The following NPEPPS variants were observed in gnomAD, a reference collection of about 807,000 sequenced individuals.
The protein encoded by NPEPPS is puromycin-sensitive aminopeptidase.
In NPEPPS, 14 loss-of-function variants were observed where a neutral mutation model predicts 115.5. The observed-to-expected ratio is 0.12, with a 90% CI of 0.08 to 0.19. The LOEUF (loss-of-function observed/expected upper bound fraction) is 0.19. NPEPPS is among the 10% of genes least tolerant of loss of function. The probability of loss-of-function intolerance (pLI) is 1.00; values close to 1 mark genes in which losing one functional copy is unlikely to be tolerated. For synonymous variants in NPEPPS, 285 were observed against 390.6 expected (o/e 0.73, Z 3.19); for missense variants, 523 against 1,110.8 (o/e 0.47, Z 7.52).
At chr17:47,542,876 C>T (rs1359673010) in intron 1 of NPEPPS, among the ~76,000 whole-genome samples, 1 of 151,942 alleles carries the variant, frequency 6.6e-6, no homozygotes, top group Admixed American at 6.6e-5. Context: ...TGGTGGCTCA[C>T]GTCTGTAATC....
At chr17:47,568,757 G>C (rs1910997824) in intron 2 of NPEPPS, among the ~76,000 whole-genome samples, 1 of 152,052 alleles carries the variant, frequency 6.6e-6, no homozygotes, top group Non-Finnish European at 1.5e-5. Flanking sequence ...CCGGGTTCAA[G>C]CGATTCTCCT....
chr17:47,601,903 CATT>C, intron 15 of NPEPPS, 156 bp downstream of exon 15: 2 of 715,514 alleles, frequency 2.8e-6, no homozygotes, highest in Admixed American at 3.3e-5. Context: ...ATTGTCCAGA[CATT>C]TGTCCTTATG....
intron 2 of NPEPPS, among the ~76,000 whole-genome samples, chr17:47,556,517 T>C (rs1910045620): frequency 6.6e-6 from 1 of 152,212 alleles, no homozygotes; most frequent in South Asian, 2.1e-4. Flanking sequence ...GATTTCTCTA[T>C]CTTTTCCCCA....
chr17:47,578,947 A>G (rs1218619856), intron 3 of NPEPPS, among the ~76,000 whole-genome samples: 3 of 152,192 alleles, frequency 2.0e-5, no homozygotes, highest in Non-Finnish European at 2.9e-5. Context: ...CTACTTACTA[A>G]TTGTATGACA....
At chr17:47,533,481 T>C (rs549998893) in intron 1 of NPEPPS, among the ~76,000 whole-genome samples, 1 of 151,958 alleles carries the variant, frequency 6.6e-6, no homozygotes, top group African/African-American at 2.4e-5. Context: ...GATGAATGAG[T>C]TCGCATTATG....
chr17:47,559,366 G>T (rs1910278633), intron 2 of NPEPPS, among the ~76,000 whole-genome samples: 1 of 151,960 alleles, frequency 6.6e-6, no homozygotes, highest in Non-Finnish European at 1.5e-5. Context: ...ACATATTTTT[G>T]TTCTAGAATT....
Position 47,622,759 on chromosome 17 carries a change from A to G in NPEPPS, c.*839A>G. On this transcript the variant is annotated 3_prime_UTR_variant, in exon 23 of 23. Coordinates refer to ENST00000322157, the MANE Select transcript of NPEPPS (RefSeq NM_006310.4). ...GACTTATAAGAACCCTGAAATTTAT[A>G]TAGGTGAGACAATAGAAATAAAAAG... The G allele has an allele frequency of 2.5e-6, 1 of 407,096 alleles. No individual in the cohort carries two copies. Among genetic ancestry groups the G allele is most frequent in the South Asian group, 1.9e-5 (1 of 53,318 alleles). 25.2% of individuals were successfully genotyped at this position (407,096 alleles called of 1,614,324 possible).
Position 47,596,192 on chromosome 17 carries a change from A to G in NPEPPS, c.1427-161A>G, listed in dbSNP as rs1012389043. 7.7e-6 allele frequency: 4 copies of G among 519,786 alleles called. No individual in the cohort carries two copies. The African/African-American group carries it at 7.7e-5, about 10-fold the overall frequency. The allele number at this position is 519,786 out of a possible 1,614,324, so 32.2% of individuals were successfully genotyped here. ...TTTATGATAGAATTTACTTAGTTGC[A>G]GAAGAGGGGTGGCAAGGGGAATGTT... On this transcript the variant is annotated intron_variant, in intron 12 of 22. Coordinates refer to ENST00000322157, the MANE Select transcript of NPEPPS (RefSeq NM_006310.4).
chr17:47,616,649 A>C (rs1262872128), intron 19 of NPEPPS, among the ~76,000 whole-genome samples: 1 of 150,688 alleles, frequency 6.6e-6, no homozygotes, highest in East Asian at 1.9e-4. Flanking sequence ...GTGCCATTGC[A>C]CTCCAGCCTG....
intron 22 of NPEPPS, 63 bp downstream of exon 22, chr17:47,619,847 G>A (rs1001438427): frequency 1.6e-6 from 2 of 1,231,176 alleles, no homozygotes; most frequent in Non-Finnish European, 2.4e-6. Context: ...TAACCTGGTT[G>A]TAATTATAGT....
intron 2 of NPEPPS, among the ~76,000 whole-genome samples, chr17:47,558,433 C>T (rs1260515211): frequency 6.8e-6 from 1 of 146,236 alleles, no homozygotes; most frequent in African/African-American, 2.5e-5. Context: ...TGGCCCATCC[C>T]CCACTTTTTT....
At chr17:47,541,240 T>G (rs1908738211) in intron 1 of NPEPPS, among the ~76,000 whole-genome samples, 1 of 152,166 alleles carries the variant, frequency 6.6e-6, no homozygotes, top group African/African-American at 2.4e-5. Context: ...AAAGTGTGGT[T>G]GCCTAGATAA....
At chr17:47,532,383 C>G (rs548687939) in intron 1 of NPEPPS, among the ~76,000 whole-genome samples, 1 of 152,206 alleles carries the variant, frequency 6.6e-6, no homozygotes, top group Admixed American at 6.6e-5. Flanking sequence ...TGGCTGGGCG[C>G]GGTGGCTCAT....
At chr17:47,572,395 T>C (rs1406295789) in intron 3 of NPEPPS, among the ~76,000 whole-genome samples, 1 of 151,270 alleles carries the variant, frequency 6.6e-6, no homozygotes, top group East Asian at 1.9e-4. Context: ...AAGTTTCTAA[T>C]GAAAGATAGG....
intron 1 of NPEPPS, among the ~76,000 whole-genome samples, chr17:47,539,115 T>TTA (rs1908563745): frequency 6.7e-6 from 1 of 150,022 alleles, no homozygotes; most frequent in South Asian, 2.1e-4. Context: ...TTTTTTTTTT[T>TTA]TCTTTTTTCT....
At chr17:47,543,160 AAAAG>A (rs1224006808) in intron 1 of NPEPPS, among the ~76,000 whole-genome samples, 5 of 151,804 alleles carry the variant, frequency 3.3e-5, no homozygotes, top group Non-Finnish European at 7.4e-5. Flanking sequence ...AAAAAAAAAA[AAAAG>A]AAAAATGCAC....
intron 2 of NPEPPS, chr17:47,557,655 TG>T (rs1910140133): frequency 6.7e-6 from 1 of 149,268 alleles, no homozygotes; most frequent in Non-Finnish European, 1.5e-5. Context: ...ACACTTTTTT[TG>T]GTTTGTTTGT....
intron 3 of NPEPPS, among the ~76,000 whole-genome samples, chr17:47,577,973 A>G (rs945786278): frequency 2.0e-4 from 30 of 152,196 alleles, no homozygotes; most frequent in African/African-American, 6.8e-4. Context: ...AGGGAGGCCA[A>G]GGTGGGTGGA....
chr17:47,560,181 TTA>T (rs1910336165), intron 2 of NPEPPS, among the ~76,000 whole-genome samples: 1 of 151,962 alleles, frequency 6.6e-6, no homozygotes, highest in Non-Finnish European at 1.5e-5. Flanking sequence ...TTAGTTTGAA[TTA>T]TATACTCATC....
Sources: allele counts gnomAD v4.1 joint callset (sites outside exome capture counted in the v4.1 genomes callset), GRCh38; gene constraint gnomAD v4.1.1; transcripts MANE v1.5; gene names NCBI Gene and HGNC (gene_info 2026-07-23, HGNC 2026-07-21).